The following DENND1A variants were observed in gnomAD, a reference collection of about 807,000 sequenced individuals.
The protein encoded by DENND1A is DENN domain containing 1A.
Under a neutral mutation model 113.7 loss-of-function variants are expected in DENND1A, and 51 were observed. The observed-to-expected ratio is 0.45, with a 90% CI of 0.36 to 0.57. The LOEUF (loss-of-function observed/expected upper bound fraction) is 0.57, where lower values mean the gene tolerates loss of function less well. Among genes scored for constraint, DENND1A ranks in the 20% least tolerant of loss-of-function variants. The pLI is 0.00. For missense variants in DENND1A, 1,258 were observed against 1,395.9 expected (o/e 0.90, Z 1.57); for synonymous variants, 565 against 570.8 (o/e 0.99, Z 0.14).
chr9:123,772,712 A>C (rs954995449), intron 3 of DENND1A, among the ~76,000 whole-genome samples: 2 of 152,106 alleles, frequency 1.3e-5, no homozygotes, highest in African/African-American at 4.8e-5. Context: ...TTAACATTTT[A>C]ATGAGCAAAA....
chr9:123,420,400 C>T (rs1313429819), intron 19 of DENND1A, among the ~76,000 whole-genome samples: 1 of 152,216 alleles, frequency 6.6e-6, no homozygotes, highest in Non-Finnish European at 1.5e-5. Flanking sequence ...ACAACTTGCC[C>T]TCCAGAGGCG....
intron 13 of DENND1A, among the ~76,000 whole-genome samples, chr9:123,491,258 A>C (rs2051347396): frequency 1.3e-5 from 2 of 152,220 alleles, no homozygotes; most frequent in Non-Finnish European, 2.9e-5. Context: ...CCTGCAAAAG[A>C]GGCTATCTGT....
At chr9:123,874,518 T>C (rs759318352) in intron 2 of DENND1A, among the ~76,000 whole-genome samples, 1 of 152,170 alleles carries the variant, frequency 6.6e-6, no homozygotes, top group Non-Finnish European at 1.5e-5. Flanking sequence ...TACCATCTAC[T>C]AAGGAGGCTA....
intron 12 of DENND1A, among the ~76,000 whole-genome samples, chr9:123,572,644 A>G (rs2058422857): frequency 6.6e-6 from 1 of 152,110 alleles, no homozygotes; most frequent in Non-Finnish European, 1.5e-5. Flanking sequence ...TAATTGAGCT[A>G]TCTTCTTGCT....
At chr9:123,587,103 C>G (rs1013274900) in intron 11 of DENND1A, among the ~76,000 whole-genome samples, 1 of 151,564 alleles carries the variant, frequency 6.6e-6, no homozygotes, top group Non-Finnish European at 1.5e-5. Context: ...GCCAACAATG[C>G]ACTGGATATA....
At chr9:123,461,120 C>T (rs2048489607) in intron 13 of DENND1A, among the ~76,000 whole-genome samples, 3 of 152,200 alleles carry the variant, frequency 2.0e-5, no homozygotes, top group African/African-American at 7.2e-5. Context: ...GATCACACAC[C>T]ACATCCTTCC....
Position 123,452,289 on chromosome 9 carries a change from G to A in DENND1A, c.1286C>T (p.Thr429Ile). ...ACCAGTACTTACGAACTTGTAGACA[G>A]TCTTCATGGCCGGATTTGCTTTGGT... is the stretch of plus-strand genomic sequence containing the variant. ...VKTKANPAMKTVYKFAKDHAK... is the reference protein window; with the variant it reads ...VKTKANPAMKIVYKFAKDHAK... The change falls in exon 17 of 24, where the codon ACT becomes ATT. Residue 429 changes from threonine to isoleucine, a missense_variant. By Grantham distance (89) the Thr-to-Ile change is moderately conservative. Around this residue, in one of 2 missense-constraint regions of DENND1A, gnomAD observed 1,159 missense variants for 1,231.7 expected, o/e 0.94. Coordinates refer to ENST00000394215, the MANE Select transcript of DENND1A (RefSeq NM_001352964.2). 6.2e-7 allele frequency: 1 copy of A among 1,614,248 alleles called. No individual in the cohort carries two copies. Among genetic ancestry groups the A allele is most frequent in the Non-Finnish European group, 8.5e-7 (1 of 1,180,042 alleles).
rs144741676 is a variant in DENND1A at position 123,439,179 on chromosome 9, A to G, written c.1488+1181T>C. ...CTTCAGGGGAGCAGACACCAGTGCA[A>G]TTTGAAAATACTTATTAACTAAATG... On this transcript the variant is annotated intron_variant, in intron 19 of 23. Transcript: ENST00000394215. 5.3e-5 allele frequency among the ~76,000 whole-genome samples: 8 copies of G among 152,356 alleles called. No homozygotes were observed. The East Asian group carries it at 1.5e-3, about 29-fold the overall frequency.
At position 123,757,732 on chromosome 9, in the gene DENND1A, T is replaced by G; in HGVS notation, c.273A>C (p.Ser91=). 1 of 1,614,090 alleles carries G rather than the reference T, an allele frequency of 6.2e-7. No individual in the cohort carries two copies. Among genetic ancestry groups the G allele is most frequent in the Non-Finnish European group, 8.5e-7 (1 of 1,180,002 alleles). Residue 91 remains serine, a synonymous_variant, in exon 5 of 24, where the codon TCA becomes TCC. Coordinates refer to ENST00000394215, the MANE Select transcript of DENND1A (RefSeq NM_001352964.2). ...AGATACAGAAGCAGCTCTTCGCTCC[T>G]GAAGATAAGCGGCAGAACCCGAATC... ...KQRFGFCRLS[S]GAKSCFCILS...
intron 2 of DENND1A, among the ~76,000 whole-genome samples, chr9:123,860,897 T>G (rs2133284016): frequency 6.6e-6 from 1 of 152,328 alleles, no homozygotes. Flanking sequence ...ATTAATGTTT[T>G]GTGGAAAACA....
At chr9:123,694,188 G>A (rs1054133329) in intron 5 of DENND1A, among the ~76,000 whole-genome samples, 7 of 152,094 alleles carry the variant, frequency 4.6e-5, no homozygotes, top group Non-Finnish European at 4.4e-5. Context: ...ACAAGTGAGT[G>A]AAATAAACCA....
intron 9 of DENND1A, among the ~76,000 whole-genome samples, chr9:123,635,722 T>C (rs2061670619): frequency 6.6e-6 from 1 of 152,256 alleles, no homozygotes; most frequent in East Asian, 1.9e-4. Flanking sequence ...CAGGAAATTC[T>C]AGACAATGAA....
At chr9:123,836,098 G>T (rs1408313139) in intron 2 of DENND1A, among the ~76,000 whole-genome samples, 1 of 152,058 alleles carries the variant, frequency 6.6e-6, no homozygotes, top group Non-Finnish European at 1.5e-5. Flanking sequence ...TAAGTTTCAG[G>T]ATAACATAAA....
At chr9:123,476,021 C>T (rs530142875) in intron 13 of DENND1A, among the ~76,000 whole-genome samples, 4 of 152,144 alleles carry the variant, frequency 2.6e-5, no homozygotes, top group African/African-American at 9.6e-5. Context: ...CTGTCCCCTA[C>T]CAGAAGTACA....
chr9:123,438,578 C>T (rs1248083480), intron 19 of DENND1A, among the ~76,000 whole-genome samples: 1 of 152,056 alleles, frequency 6.6e-6, no homozygotes, highest in Non-Finnish European at 1.5e-5. Context: ...TGACCTTAAT[C>T]CGCATGCATG....
At chr9:123,412,758 G>C (rs901103429) in intron 19 of DENND1A, among the ~76,000 whole-genome samples, 4 of 152,120 alleles carry the variant, frequency 2.6e-5, no homozygotes, top group African/African-American at 9.7e-5. Context: ...AAATTCACGC[G>C]AGACCCAGGC....
intron 13 of DENND1A, among the ~76,000 whole-genome samples, chr9:123,491,499 T>C (rs73665307): frequency 0.051 from 7,818 of 152,246 alleles, 651 homozygotes; most frequent in African/African-American, 0.18. Flanking sequence ...GCTGCTGCCT[T>C]CAAGGAGCTT....
intron 5 of DENND1A, among the ~76,000 whole-genome samples, chr9:123,752,304 T>G (rs1276973852): frequency 2.0e-5 from 3 of 152,178 alleles, no homozygotes; most frequent in Admixed American, 6.5e-5. Context: ...CCATTCTGGG[T>G]ATATACTAGG....
At chr9:123,777,665 A>G (rs4620350) in intron 3 of DENND1A, among the ~76,000 whole-genome samples, 24,177 of 152,212 alleles carry the variant, frequency 0.16, 3,444 homozygotes, top group African/African-American at 0.38. Flanking sequence ...ACAGGATCAT[A>G]GTTTGGTAAT....
Sources: allele counts gnomAD v4.1 joint callset (sites outside exome capture counted in the v4.1 genomes callset), GRCh38; gene constraint gnomAD v4.1.1; regional missense constraint gnomAD v4.1.1; transcripts MANE v1.5; gene names NCBI Gene and HGNC (gene_info 2026-07-23, HGNC 2026-07-21).